HDAC4: variants seen among roughly 807,000 people sequenced by gnomAD.
The protein encoded by HDAC4 is histone deacetylase A.
In HDAC4, 16 loss-of-function variants were observed where a neutral mutation model predicts 135.1. That is an observed-to-expected ratio of 0.12 (90% CI 0.08 to 0.18). The LOEUF (loss-of-function observed/expected upper bound fraction) is 0.18. Among genes scored for constraint, HDAC4 ranks in the 10% least tolerant of loss-of-function variants. HDAC4 has a pLI of 1.00. For synonymous variants in HDAC4, 685 were observed against 653.4 expected (o/e 1.05, Z -0.74); for missense variants, 1,143 against 1,511.8 (o/e 0.76, Z 4.05).
intron 1 of HDAC4, among the ~76,000 whole-genome samples, chr2:239,389,710 A>C (rs1696068925): frequency 6.6e-6 from 1 of 152,104 alleles, no homozygotes; most frequent in South Asian, 2.1e-4. Flanking sequence ...AGGCACGAGG[A>C]GCTAAATTCA....
intron 2 of HDAC4, among the ~76,000 whole-genome samples, chr2:239,287,633 A>C (rs2051211718): frequency 6.6e-6 from 1 of 152,248 alleles, no homozygotes; most frequent in Admixed American, 6.5e-5. Flanking sequence ...CACTGGGTGC[A>C]GCCAGCCACA....
At chr2:239,158,677 G>A (rs112073406) in intron 6 of HDAC4, among the ~76,000 whole-genome samples, 5,038 of 152,028 alleles carry the variant, frequency 0.033, 271 homozygotes, top group African/African-American at 0.12. Context: ...CTCCTGCATA[G>A]CCCAGCTCAC....
chr2:239,134,709 GAAA>G, intron 9 of HDAC4, 66 bp from the exon 10 acceptor site: 2 of 1,156,580 alleles, frequency 1.7e-6, no homozygotes, highest in Non-Finnish European at 2.6e-6. Flanking sequence ...TATACACCAA[GAAA>G]AACAACGATG....
intron 3 of HDAC4, among the ~76,000 whole-genome samples, chr2:239,218,305 A>G (rs1320622354): frequency 6.6e-6 from 1 of 152,094 alleles, no homozygotes; most frequent in African/African-American, 2.4e-5. Context: ...GCCCTCAGAA[A>G]TAACACCGCA....
At chr2:239,126,885 T>A (rs3791449) in intron 11 of HDAC4, among the ~76,000 whole-genome samples, 191 bp from the exon 12 acceptor site, 1 of 152,154 alleles carries the variant, frequency 6.6e-6, no homozygotes, top group African/African-American at 2.4e-5. Context: ...GAGCTGGTGC[T>A]TTGGGACTAT....
chr2:239,347,640 G>T (rs1025701265), intron 2 of HDAC4, among the ~76,000 whole-genome samples: 6 of 151,978 alleles, frequency 3.9e-5, no homozygotes, highest in Non-Finnish European at 7.4e-5. Context: ...TCAGCCTCCC[G>T]AGTAGCTGGG....
At chr2:239,302,543 A>G (rs897474923) in intron 2 of HDAC4, among the ~76,000 whole-genome samples, 1 of 152,236 alleles carries the variant, frequency 6.6e-6, no homozygotes, top group Admixed American at 6.5e-5. Context: ...ACGTGGGGCC[A>G]TGACCAAGCA....
chr2:239,341,515 T>A (rs752081391), intron 2 of HDAC4, among the ~76,000 whole-genome samples: 3 of 152,156 alleles, frequency 2.0e-5, no homozygotes, highest in African/African-American at 4.8e-5. Flanking sequence ...GGCCTTACCC[T>A]AGATGTGAAG....
In HDAC4 at chr2:239,210,649, T is replaced by G. The variant is rs553123062; in HGVS notation, c.95-20572A>C. Among the ~76,000 whole-genome samples the G allele has an allele frequency of 1.3e-3, 200 of 152,280 alleles. 1 individual carries two copies. The highest frequency in any genetic ancestry group is 2.3e-3 in the Non-Finnish European group (158 of 68,018). On this transcript the variant is annotated intron_variant, in intron 3 of 26. Coordinates refer to ENST00000543185, the MANE Select transcript of HDAC4 (RefSeq NM_001378414.1). ...CCCACTTCCACCAAAAGTGACTCGC[T>G]TGTGACACAAGGTCCCCTTTATATT...
Position 239,349,530 on chromosome 2 carries a change from G to C in HDAC4, c.22+3148C>G, listed in dbSNP as rs2125911080. Among the ~76,000 whole-genome samples the C allele has an allele frequency of 6.6e-6, 1 of 152,330 alleles. No homozygotes were observed. Among genetic ancestry groups the C allele is most frequent in the East Asian group, 1.9e-4 (1 of 5,164 alleles). ...AACACAGAGGAACTTCCCGAAACTA[G>C]AGATCTCTGGGGATGGAGCTGCTTG... On this transcript the variant is annotated intron_variant, in intron 2 of 26. Coordinates refer to ENST00000543185, the MANE Select transcript of HDAC4 (RefSeq NM_001378414.1). The surrounding 1 kb of genome is among the most constrained non-coding windows in gnomAD (Gnocchi z 5.7).
intron 7 of HDAC4, among the ~76,000 whole-genome samples, chr2:239,150,180 C>T (rs1559515519): frequency 6.6e-6 from 1 of 152,086 alleles, no homozygotes; most frequent in Non-Finnish European, 1.5e-5. Flanking sequence ...AACAAGACAA[C>T]TCAGATACAT....
intron 3 of HDAC4, among the ~76,000 whole-genome samples, chr2:239,221,185 C>T (rs545597372): frequency 6.6e-6 from 1 of 152,194 alleles, no homozygotes; most frequent in Non-Finnish European, 1.5e-5. Flanking sequence ...CTTGCGAATA[C>T]CATTTAGAAG....
chr2:239,200,382 C>T (rs1575389842), intron 3 of HDAC4, among the ~76,000 whole-genome samples: 1 of 152,054 alleles, frequency 6.6e-6, no homozygotes, highest in African/African-American at 2.4e-5. Context: ...GGGAGGGGCA[C>T]GCACGCAAAG....
intron 24 of HDAC4, 111 bp downstream of exon 24, chr2:239,066,611 G>A (rs1221166524): frequency 9.9e-6 from 14 of 1,419,828 alleles, no homozygotes; most frequent in Admixed American, 3.4e-5. Context: ...AAGCATCCAC[G>A]TGGTCAGAGA....
intron 2 of HDAC4, among the ~76,000 whole-genome samples, chr2:239,322,932 G>T (rs2053362363): frequency 6.6e-6 from 1 of 152,156 alleles, no homozygotes; most frequent in Admixed American, 6.5e-5. Context: ...GCTGCTGCGG[G>T]GTGTGTGGAG....
chr2:239,230,368 C>A (rs74599729), intron 3 of HDAC4, among the ~76,000 whole-genome samples: 52 of 79,330 alleles, frequency 6.6e-4, no homozygotes, highest in African/African-American at 9.3e-4. Flanking sequence ...AGCAAGCAAG[C>A]AAAAAAAAAA....
intron 12 of HDAC4, among the ~76,000 whole-genome samples, chr2:239,121,511 C>T (rs1050396013): frequency 4.6e-5 from 7 of 152,342 alleles, no homozygotes; most frequent in East Asian, 1.9e-4. Flanking sequence ...GGCCCTTCCC[C>T]GGCTGGCTGC....
chr2:239,106,186 C>G (rs576022966), intron 15 of HDAC4, among the ~76,000 whole-genome samples: 1 of 152,064 alleles, frequency 6.6e-6, no homozygotes. Flanking sequence ...CGAGGGCGGG[C>G]GGAGGAGCTG....
intron 2 of HDAC4, among the ~76,000 whole-genome samples, chr2:239,256,059 T>G (rs1011956586): frequency 2.0e-5 from 3 of 152,260 alleles, no homozygotes; most frequent in African/African-American, 7.2e-5. Flanking sequence ...TCTTTTATTT[T>G]AATGCAAACA....
Sources: allele counts gnomAD v4.1 joint callset (sites outside exome capture counted in the v4.1 genomes callset), GRCh38; gene constraint gnomAD v4.1.1; non-coding constraint Gnocchi (gnomAD v3.1); transcripts MANE v1.5; gene names NCBI Gene and HGNC (gene_info 2026-07-23, HGNC 2026-07-21).